The following ME2 variants were observed in gnomAD, a reference collection of about 807,000 sequenced individuals.
The protein encoded by ME2 is NAD-dependent malic enzyme, mitochondrial.
In ME2, 60 loss-of-function variants were observed where a neutral mutation model predicts 73.7. That is an observed-to-expected ratio of 0.81 (90% CI 0.66 to 1.01). The LOEUF is 1.01. ME2 is among the 50% of genes least tolerant of loss of function. The pLI, the probability that ME2 is intolerant of heterozygous loss-of-function variation, is 0.00. For missense variants in ME2, 594 were observed against 705.5 expected (o/e 0.84, Z 1.79); for synonymous variants, 199 against 236.9 (o/e 0.84, Z 1.47).
Position 50,920,664 on chromosome 18 carries a change from C to T in ME2, c.848C>T (p.Thr283Ile), listed in dbSNP as rs1917404541. Residue 283 changes from threonine (T) to isoleucine (I), a missense_variant, in exon 9 of 16, where the codon ACA (threonine) becomes ATA (isoleucine). Coordinates refer to ENST00000321341, the MANE Select transcript of ME2 (RefSeq NM_002396.5). ...YCTFNDDIQG[T>I]AAVALAGLLA... ...AAAATCTTTGTTTTTCTTACAGGGA[C>T]AGCTGCAGTAGCTCTAGCAGGTCTT... 1 of 1,600,864 alleles carries T rather than the reference C, an allele frequency of 6.2e-7. No individual in the cohort carries two copies. Among genetic ancestry groups the T allele is most frequent in the African/African-American group, 1.4e-5 (1 of 73,952 alleles).
chr18:50,908,956 C>CTTTT (rs71171364), intron 3 of ME2, among the ~76,000 whole-genome samples: 4 of 127,354 alleles, frequency 3.1e-5, no homozygotes, highest in South Asian at 2.6e-4. Context: ...CTTTTCTTTT[C>CTTTT]TTTTTTTTTT....
At position 50,940,401 on chromosome 18, in the gene ME2, A is replaced by T. The variant is rs774828917; in HGVS notation, c.1587+15A>T. The T allele has an allele frequency of 1.4e-6, 2 of 1,385,580 alleles. No individual in the cohort carries two copies. The highest frequency in any genetic ancestry group is 2.9e-5 in the African/African-American group (2 of 69,090). The allele number at this position is 1,385,580 out of a possible 1,614,324, so 85.8% of individuals were successfully genotyped here. A position where few individuals can be genotyped will look rare whatever the true frequency, so the allele number is the denominator to read the frequency against. On this transcript the variant is annotated intron_variant, in intron 15 of 15. Transcript: ENST00000321341. Reference sequence around the variant, plus strand: ...TTGCTATTAAAGTAAGTAATAACTTAAACTTCTTCACATTAATTTTAATGA... The same window carrying T: ...TTGCTATTAAAGTAAGTAATAACTTTAACTTCTTCACATTAATTTTAATGA...
chr18:50,919,357 C>T (rs903169416), intron 7 of ME2, among the ~76,000 whole-genome samples: 1 of 152,136 alleles, frequency 6.6e-6, no homozygotes, highest in African/African-American at 2.4e-5. Flanking sequence ...AAATTGCTGG[C>T]ACGTAGAAGA....
In ME2 at chr18:50,879,119, T is replaced by A. The variant is rs1510394; in HGVS notation, c.-202T>A. ...GGCCGGCTCCTCGCGCCCTCCCCTC[T>A]CTCGGCCGCTCTTCGGGCCGCCTCT... On this transcript the variant is annotated 5_prime_UTR_variant, in exon 1 of 16. Transcript: ENST00000321341. 52,086 of 151,742 alleles carry A rather than the reference T, an allele frequency of 0.34. 8,976 individuals are homozygous for A. The highest frequency in any genetic ancestry group is 0.37 in the Non-Finnish European group (25,364 of 67,864). The allele number at this position is 151,742 out of a possible 1,614,324, so 9.4% of individuals were successfully genotyped here. A position where few individuals can be genotyped will look rare whatever the true frequency, so the allele number is the denominator to read the frequency against.
At chr18:50,882,032 A>G (rs898234691) in intron 1 of ME2, among the ~76,000 whole-genome samples, 1 of 152,134 alleles carries the variant, frequency 6.6e-6, no homozygotes, top group Non-Finnish European at 1.5e-5. Context: ...AGAGGGTCTC[A>G]CTTTTACCTA....
At chr18:50,893,154 A>G (rs1599088674) in intron 1 of ME2, among the ~76,000 whole-genome samples, 1 of 133,898 alleles carries the variant, frequency 7.5e-6, no homozygotes, top group African/African-American at 2.8e-5. Flanking sequence ...AAAAAAAAAC[A>G]CCTTTAAATT....
chr18:50,947,275 T>C lies in ME2; in HGVS notation c.*91T>C. On this transcript the variant is annotated 3_prime_UTR_variant, in exon 16 of 16. Coordinates refer to ENST00000321341, the MANE Select transcript of ME2 (RefSeq NM_002396.5). ...ATGTCTTCAGTTTTATGGTGTTTTC[T>C]GTGTTTTGTTCTCCCTGACCACTTT... 1.5e-6 allele frequency: 2 copies of C among 1,356,126 alleles called. No homozygotes were observed. The highest frequency in any genetic ancestry group is 2.7e-5 in the South Asian group (2 of 72,938). 84.0% of individuals were successfully genotyped at this position (1,356,126 alleles called of 1,614,324 possible). A position where few individuals can be genotyped will look rare whatever the true frequency, so the allele number is the denominator to read the frequency against.
intron 13 of ME2, chr18:50,935,103 C>G (rs1917785931): frequency 6.6e-6 from 1 of 152,092 alleles, no homozygotes; most frequent in Non-Finnish European, 1.5e-5. Context: ...TTTAGAAAAC[C>G]TCAAGCCTCT....
intron 1 of ME2, among the ~76,000 whole-genome samples, chr18:50,889,349 G>A (rs1331552143): frequency 6.6e-6 from 1 of 152,154 alleles, no homozygotes; most frequent in Non-Finnish European, 1.5e-5. Flanking sequence ...TGGACATTAA[G>A]CTCTATAAAA....
chr18:50,934,687 G>A (rs1461880396), intron 13 of ME2: 2 of 152,012 alleles, frequency 1.3e-5, no homozygotes, highest in East Asian at 3.9e-4. Context: ...AGGCAGAAAT[G>A]AGCCTAAAAG....
intron 1 of ME2, among the ~76,000 whole-genome samples, chr18:50,894,801 C>T (rs965383156): frequency 6.6e-5 from 10 of 150,726 alleles, no homozygotes; most frequent in South Asian, 2.1e-4. Context: ...GGCGTGAACC[C>T]GGGAGGTGGA....
chr18:50,913,546 T>C (rs917522426), intron 4 of ME2, among the ~76,000 whole-genome samples: 1 of 152,144 alleles, frequency 6.6e-6, no homozygotes, highest in Non-Finnish European at 1.5e-5. Flanking sequence ...TTGGCTGGGC[T>C]GGTCTTGAAC....
intron 12 of ME2, among the ~76,000 whole-genome samples, chr18:50,926,652 T>C (rs1208423516): frequency 2.0e-5 from 3 of 152,208 alleles, no homozygotes; most frequent in African/African-American, 7.2e-5. Flanking sequence ...GTTAGAGATA[T>C]ATCTCATTTA....
chr18:50,903,829 A>G (rs995559311), intron 2 of ME2, among the ~76,000 whole-genome samples: 5 of 152,206 alleles, frequency 3.3e-5, no homozygotes, highest in Admixed American at 3.3e-4. Flanking sequence ...TAGAGTTGGA[A>G]AAAAAGACGC....
intron 13 of ME2, chr18:50,933,482 C>T (rs1917745316): frequency 6.6e-6 from 1 of 152,014 alleles, no homozygotes. Flanking sequence ...CTCATGTTTT[C>T]CTATATGTCT....
chr18:50,947,145 G>T lies in ME2; in HGVS notation c.1716G>T (p.Trp572Cys). Reference protein sequence around the residue: ...YDSLLPDVYEWPESASSPPVI... With the variant: ...YDSLLPDVYECPESASSPPVI... ...CCCTGCTGCCAGATGTGTATGAATG[G>T]CCAGAATCTGCATCAAGCCCTCCTG... The change falls in exon 16 of 16, where the codon TGG becomes TGT. Residue 572 changes from tryptophan to cysteine, a missense_variant. Trp to Cys is a radical substitution (Grantham distance 215, BLOSUM62 -2). Transcript: ENST00000321341. The T allele has an allele frequency of 6.2e-7, 1 of 1,613,616 alleles. No individual in the cohort carries two copies. Among genetic ancestry groups the T allele is most frequent in the Non-Finnish European group, 8.5e-7 (1 of 1,179,992 alleles).
intron 15 of ME2, among the ~76,000 whole-genome samples, chr18:50,946,607 A>C (rs549484589): frequency 1.5e-4 from 23 of 152,180 alleles, no homozygotes; most frequent in African/African-American, 5.1e-4. Context: ...CTAAATCCTG[A>C]TTTATAATAA....
chr18:50,890,103 C>A (rs1916569615), intron 1 of ME2, among the ~76,000 whole-genome samples: 1 of 151,706 alleles, frequency 6.6e-6, no homozygotes, highest in African/African-American at 2.4e-5. Context: ...AAAAGCAACC[C>A]CATTTTCCAA....
intron 13 of ME2, chr18:50,939,128 C>CAAAAAAAAAAAGA (rs1917883254): frequency 1.7e-5 from 1 of 57,810 alleles, no homozygotes; most frequent in African/African-American, 4.3e-5. Flanking sequence ...TAAGAGAAGG[C>CAAAAAAAAAAAGA]AAAAAAAAAA....
Sources: allele counts gnomAD v4.1 joint callset (sites outside exome capture counted in the v4.1 genomes callset), GRCh38; gene constraint gnomAD v4.1.1; transcripts MANE v1.5; gene names NCBI Gene and HGNC (gene_info 2026-07-23, HGNC 2026-07-21).